Variants in RASA3 observed in about 807,000 individuals in gnomAD.
RASA3 encodes the protein RAS p21 protein activator 3.
Under a neutral mutation model 110.0 loss-of-function variants are expected in RASA3, and 73 were observed. The ratio of observed to expected loss-of-function variants is 0.66; its 90% CI spans 0.55 to 0.81. The LOEUF is 0.81. RASA3 is among the 30% of genes least tolerant of loss of function. The pLI is 0.00. For synonymous variants in RASA3, 500 were observed against 451.4 expected (o/e 1.11, Z -1.37); for missense variants, 976 against 1,113.2 (o/e 0.88, Z 1.75).
At chr13:113,988,875 T>A (rs1030250253) in intron 22 of RASA3, among the ~76,000 whole-genome samples, 3 of 145,568 alleles carry the variant, frequency 2.1e-5, no homozygotes, top group African/African-American at 7.8e-5. Flanking sequence ...CATTGGTCCA[T>A]CTGCCCATCA....
intron 6 of RASA3, 150 bp downstream of exon 6, chr13:114,027,697 T>TA: frequency 1.1e-6 from 1 of 925,946 alleles, no homozygotes; most frequent in Non-Finnish European, 1.7e-6. Context: ...TTTGGAGCAA[T>TA]AAAGAAAACA....
chr13:114,122,754 G>A (rs1342241024), intron 1 of RASA3, among the ~76,000 whole-genome samples: 2 of 151,184 alleles, frequency 1.3e-5, no homozygotes, highest in Admixed American at 6.6e-5. Flanking sequence ...GGTCGGCCCC[G>A]AGTGAGGGAC....
chr13:113,997,140 G>A (rs765836488), intron 20 of RASA3, among the ~76,000 whole-genome samples: 67 of 152,234 alleles, frequency 4.4e-4, no homozygotes, highest in Non-Finnish European at 7.3e-4. Context: ...CGTGGTGCTC[G>A]TGCTGTGTCA....
chr13:114,132,029 A>G (rs2080527120), intron 1 of RASA3, among the ~76,000 whole-genome samples: 1 of 152,000 alleles, frequency 6.6e-6, no homozygotes, highest in African/African-American at 2.4e-5. Context: ...CGAGACCCCG[A>G]CGTCAGTGGA....
At chr13:114,062,242 T>C (rs2139617546) in intron 2 of RASA3, among the ~76,000 whole-genome samples, 1 of 152,152 alleles carries the variant, frequency 6.6e-6, no homozygotes, top group Middle Eastern at 3.4e-3. Flanking sequence ...AAAAAACACA[T>C]GCATAGGAAA....
chr13:114,046,917 A>C (rs1417530531), intron 3 of RASA3, among the ~76,000 whole-genome samples: 1 of 152,234 alleles, frequency 6.6e-6, no homozygotes, highest in Non-Finnish European at 1.5e-5. Context: ...TTTGTGCTAT[A>C]AGTGAAAATT....
At position 114,075,730 on chromosome 13, in the gene RASA3, G is replaced by A. The variant is rs373399063; in HGVS notation, c.56-1893C>T. On this transcript the variant is annotated intron_variant, in intron 1 of 23. Transcript: ENST00000334062. ...GCAGGACGAAGCCGCCCGTGTCGGCGCCGCGTATCTCTGGGTGTGGAGGCG... is the reference window on the plus strand; with the variant it reads ...GCAGGACGAAGCCGCCCGTGTCGGCACCGCGTATCTCTGGGTGTGGAGGCG... Among the ~76,000 whole-genome samples the A allele has an allele frequency of 2.2e-3, 183 of 83,136 alleles. 3 individuals carry two copies. Among genetic ancestry groups the A allele is most frequent in the African/African-American group, 3.0e-3 (49 of 16,372 alleles). The allele number at this position is 83,136 out of a possible 152,430, so 54.5% of individuals were successfully genotyped here. A position where few individuals can be genotyped will look rare whatever the true frequency, so the allele number is the denominator to read the frequency against.
chr13:114,103,589 G>A (rs55849306), intron 1 of RASA3, among the ~76,000 whole-genome samples: 2,689 of 6,352 alleles, frequency 0.42, 471 homozygotes, highest in Non-Finnish European at 0.6. Flanking sequence ...CCACAGCCAC[G>A]GACACCCACC....
In RASA3 at chr13:114,056,594, G is replaced by C. The variant is rs1594398181; in HGVS notation, c.174-4439C>G. The C allele has an allele frequency of 2.8e-5, 28 of 985,056 alleles. No individual in the cohort carries two copies. The highest frequency in any genetic ancestry group is 3.3e-5 in the Non-Finnish European group (27 of 829,876). 61.0% of individuals were successfully genotyped at this position (985,056 alleles called of 1,614,324 possible). A position where few individuals can be genotyped will look rare whatever the true frequency, so the allele number is the denominator to read the frequency against. On this transcript the variant is annotated intron_variant, in intron 2 of 23. Transcript: ENST00000334062. The surrounding 1 kb of genome is among the most constrained non-coding windows in gnomAD (Gnocchi z 5.7). ...TCTGCTTGGCAGTGGGGGGCTCGGT[G>C]GGGGGAGGCCCGTGCTGGCTGGGCA...
chr13:113,995,321 C>A (rs1222355652), intron 21 of RASA3, among the ~76,000 whole-genome samples: 3 of 152,350 alleles, frequency 2.0e-5, no homozygotes, highest in Non-Finnish European at 4.4e-5. Flanking sequence ...GCCACGCATG[C>A]CTGAGCAGCA....
At chr13:114,025,347 C>A (rs1209114612) in intron 7 of RASA3, among the ~76,000 whole-genome samples, 2 of 152,248 alleles carry the variant, frequency 1.3e-5, no homozygotes, top group Non-Finnish European at 2.9e-5. Context: ...ACACCACTGT[C>A]CAAAAATTTG....
chr13:114,040,904 C>T (rs574146636), intron 4 of RASA3, 96 bp downstream of exon 4: 10 of 1,181,224 alleles, frequency 8.5e-6, no homozygotes, highest in Admixed American at 1.9e-5. Flanking sequence ...GGCCGAAGCC[C>T]GATCTACGTC....
intron 7 of RASA3, among the ~76,000 whole-genome samples, chr13:114,024,929 A>AGTGAAGGC (rs1387715099): frequency 6.6e-6 from 1 of 151,416 alleles, no homozygotes; most frequent in Non-Finnish European, 1.5e-5. Flanking sequence ...ACAGAAACGG[A>AGTGAAGGC]GTGAAGGCGT....
chr13:114,118,295 G>A (rs964790478), intron 1 of RASA3, among the ~76,000 whole-genome samples: 1 of 152,060 alleles, frequency 6.6e-6, no homozygotes, highest in Non-Finnish European at 1.5e-5. Context: ...GCCCACCCCC[G>A]CCTGTGTGAC....
chr13:114,027,373 C>A lies in RASA3; in HGVS notation c.603+16G>T, dbSNP rs768195756. The A allele has an allele frequency of 1.3e-6, 2 of 1,588,632 alleles. No homozygotes were observed. The highest frequency in any genetic ancestry group is 1.7e-5 in the Admixed American group (1 of 59,932). On this transcript the variant is annotated intron_variant, in intron 7 of 23. Transcript: ENST00000334062. ...TGCAGAGTTTCCACTTAACGTTGAC[C>A]CATGAAGATACCAACCTCAAAATAA...
chr13:114,032,608 C>T (rs554958521), intron 4 of RASA3, among the ~76,000 whole-genome samples: 6 of 152,132 alleles, frequency 3.9e-5, no homozygotes, highest in East Asian at 1.9e-4. Context: ...GACACCGCGT[C>T]GGTGCAGCCC....
chr13:114,031,509 T>C (rs2054168307), intron 4 of RASA3, among the ~76,000 whole-genome samples: 1 of 148,262 alleles, frequency 6.7e-6, no homozygotes, highest in African/African-American at 2.5e-5. Flanking sequence ...TGTGTCTGCC[T>C]GTCTGTGCGC....
chr13:114,132,286 G>A, intron 1 of RASA3, 149 bp downstream of exon 1: 1 of 842,976 alleles, frequency 1.2e-6, no homozygotes, highest in South Asian at 2.9e-5. Context: ...GGGCCGCGGA[G>A]CCGGACCAGC....
intron 6 of RASA3, 146 bp downstream of exon 6, chr13:114,027,701 G>GA (rs2054052837): frequency 2.1e-6 from 2 of 938,896 alleles, no homozygotes; most frequent in African/African-American, 1.7e-5. Flanking sequence ...GAGCAATAAA[G>GA]AAAACAAAAG....
Sources: allele counts gnomAD v4.1 joint callset (sites outside exome capture counted in the v4.1 genomes callset), GRCh38; gene constraint gnomAD v4.1.1; non-coding constraint Gnocchi (gnomAD v3.1); transcripts MANE v1.5; gene names NCBI Gene and HGNC (gene_info 2026-07-23, HGNC 2026-07-21).